Variants in TMEFF2 observed in about 807,000 individuals in gnomAD.
TMEFF2 encodes transmembrane protein with EGF like and two follistatin like domains 2, also known as tomoregulin-2.
A neutral mutation model predicts 53.8 loss-of-function variants in TMEFF2; 28 were observed. That is an observed-to-expected ratio of 0.52 (90% CI 0.39 to 0.71). The LOEUF (loss-of-function observed/expected upper bound fraction) is 0.71, where lower values mean the gene tolerates loss of function less well. Ranked by LOEUF, TMEFF2 falls within the 30% of genes least tolerant of loss-of-function variation. The pLI is 0.00. For missense variants in TMEFF2, 353 were observed against 455.2 expected, an observed-to-expected ratio of 0.78 and a Z score of 2.04; for synonymous variants, 162 against 166.3, an observed-to-expected ratio of 0.97 and a Z score of 0.20.
intron 4 of TMEFF2, among the ~76,000 whole-genome samples, chr2:192,096,674 T>C (rs200099710): frequency 2.6e-4 from 7 of 27,280 alleles, no homozygotes; most frequent in African/African-American, 3.7e-4. Flanking sequence ...CTCTCTCTTT[T>C]TTTTTTTTTT....
intron 4 of TMEFF2, among the ~76,000 whole-genome samples, chr2:192,138,773 C>T (rs1690070264): frequency 6.6e-6 from 1 of 152,110 alleles, no homozygotes; most frequent in African/African-American, 2.4e-5. Context: ...GGAGCTTATT[C>T]CTGAATCTGA....
intron 9 of TMEFF2, among the ~76,000 whole-genome samples, chr2:191,952,574 G>A (rs1230019592): frequency 6.6e-6 from 1 of 151,792 alleles, no homozygotes; most frequent in Admixed American, 6.6e-5. Flanking sequence ...CGTGAGAGTC[G>A]AGTTGATGAA....
intron 4 of TMEFF2, among the ~76,000 whole-genome samples, chr2:192,101,470 T>C (rs1227530687): frequency 6.6e-6 from 1 of 152,214 alleles, no homozygotes; most frequent in African/African-American, 2.4e-5. Context: ...TTAAAATTCA[T>C]ATTTTGCTAT....
chr2:192,169,748 G>A (rs2106022055), intron 4 of TMEFF2, among the ~76,000 whole-genome samples: 1 of 152,104 alleles, frequency 6.6e-6, no homozygotes, highest in Non-Finnish European at 1.5e-5. Flanking sequence ...TATTCACAAT[G>A]GAAAATCCAC....
chr2:192,051,731 T>C (rs1036987718), intron 5 of TMEFF2, among the ~76,000 whole-genome samples: 1 of 152,184 alleles, frequency 6.6e-6, no homozygotes, highest in Non-Finnish European at 1.5e-5. Context: ...TGTGGGCAGG[T>C]TGCCAATAAC....
In TMEFF2 at chr2:192,049,972, G is replaced by A. The variant is rs577861766; in HGVS notation, c.536+7707C>T. ...GCTGAGATAGCGCCACTGCACTCCA[G>A]CCTGGGCCACAGGGTGAGACTCCAT... is the stretch of plus-strand genomic sequence containing the variant. On this transcript the variant is annotated intron_variant, in intron 5 of 9. Transcript: ENST00000272771. Among the ~76,000 whole-genome samples, 6 of 152,292 alleles carry A rather than the reference G, an allele frequency of 3.9e-5. No homozygotes were observed. The South Asian group carries it at 1.2e-3, about 32-fold the overall frequency.
chr2:192,170,344 G>T (rs1285694903), intron 4 of TMEFF2, among the ~76,000 whole-genome samples: 3 of 152,050 alleles, frequency 2.0e-5, no homozygotes, highest in African/African-American at 7.2e-5. Context: ...TATCTGTAAT[G>T]ACTTTCACAC....
At chr2:192,043,443 G>T (rs947638245) in intron 5 of TMEFF2, among the ~76,000 whole-genome samples, 2 of 152,146 alleles carry the variant, frequency 1.3e-5, no homozygotes, top group African/African-American at 4.8e-5. Flanking sequence ...TCAGCTGTTT[G>T]CCAGAATAAC....
chr2:192,095,455 C>G (rs1688881692), intron 4 of TMEFF2, among the ~76,000 whole-genome samples: 1 of 152,080 alleles, frequency 6.6e-6, no homozygotes, highest in Admixed American at 6.6e-5. Context: ...GCAAGGCCCT[C>G]ATCTCCATGC....
chr2:192,132,184 C>T (rs974351639), intron 4 of TMEFF2, among the ~76,000 whole-genome samples: 52 of 152,164 alleles, frequency 3.4e-4, no homozygotes, highest in South Asian at 8.3e-4. Context: ...ACCTCCCCTC[C>T]TCACACCTGG....
chr2:192,086,415 T>C (rs979870906), intron 4 of TMEFF2, among the ~76,000 whole-genome samples: 2 of 152,170 alleles, frequency 1.3e-5, no homozygotes, highest in Non-Finnish European at 2.9e-5. Flanking sequence ...AAGGTTTATG[T>C]AGATGTCTAC....
At chr2:191,983,571 G>A (rs1685906133) in intron 7 of TMEFF2, among the ~76,000 whole-genome samples, 1 of 152,122 alleles carries the variant, frequency 6.6e-6, no homozygotes, top group South Asian at 2.1e-4. Flanking sequence ...TAAGATGACA[G>A]TGCCTGGTAG....
intron 5 of TMEFF2, among the ~76,000 whole-genome samples, chr2:192,041,431 C>T (rs1346585148): frequency 6.6e-6 from 1 of 152,120 alleles, no homozygotes; most frequent in Non-Finnish European, 1.5e-5. Flanking sequence ...TTCATACCAA[C>T]TAGGATAGTA....
At chr2:192,160,117 G>A (rs1420688285) in intron 4 of TMEFF2, among the ~76,000 whole-genome samples, 1 of 152,170 alleles carries the variant, frequency 6.6e-6, no homozygotes, top group Admixed American at 6.5e-5. Context: ...AGAGACTTAG[G>A]CCTCTTAGGT....
rs915758146 is a variant in TMEFF2 at position 192,194,678 on chromosome 2, G to C, written c.-154C>G. On this transcript the variant is annotated 5_prime_UTR_variant, in exon 1 of 10. Transcript: ENST00000272771. This position sits in a 1 kb window ranked among gnomAD's most constrained non-coding sequence, Gnocchi z 4.2. ...CGGCGGGGAAGCAGCAGCCAAACCC[G>C]CGCATGATCTCGAGAGTTTCAGCAA... is the stretch of plus-strand genomic sequence containing the variant. 2 of 745,066 alleles carry C rather than the reference G, an allele frequency of 2.7e-6. No individual in the cohort carries two copies. The highest frequency in any genetic ancestry group is 4.4e-6 in the Non-Finnish European group (2 of 453,242). The allele number at this position is 745,066 out of a possible 1,614,324, so 46.2% of individuals were successfully genotyped here.
At chr2:192,041,998 C>T (rs1438891983) in intron 5 of TMEFF2, among the ~76,000 whole-genome samples, 4 of 152,020 alleles carry the variant, frequency 2.6e-5, no homozygotes. Context: ...GTCAGGACTT[C>T]AAGACAAGCC....
intron 4 of TMEFF2, among the ~76,000 whole-genome samples, chr2:192,131,068 AACCCCTTCTCTCCTTGTCTCT>A (rs1190858183): frequency 6.7e-6 from 1 of 148,474 alleles, no homozygotes; most frequent in African/African-American, 2.5e-5. Flanking sequence ...CAAGTACCCC[AACCCCTTCTCTCCTTGTCTCT>A]ACCCCTTCTC....
chr2:192,070,340 G>C (rs1003980314), intron 4 of TMEFF2, among the ~76,000 whole-genome samples: 4 of 151,726 alleles, frequency 2.6e-5, no homozygotes, highest in Non-Finnish European at 4.4e-5. Context: ...CTCATGTTTT[G>C]TAGGGCTTCA....
chr2:191,974,935 T>G (rs1685668798), intron 7 of TMEFF2, among the ~76,000 whole-genome samples: 1 of 152,040 alleles, frequency 6.6e-6, no homozygotes, highest in Non-Finnish European at 1.5e-5. Context: ...ATCAAGAGCC[T>G]CAAGCACAAA....
Sources: gnomAD v4.1 joint callset for allele counts (sites outside exome capture counted in the v4.1 genomes callset) on GRCh38, gnomAD v4.1.1 for gene constraint, Gnocchi (gnomAD v3.1) non-coding constraint, MANE v1.5 for transcripts, NCBI Gene and HGNC (gene_info 2026-07-23, HGNC 2026-07-21) for gene names.